SNX9: variants seen among roughly 807,000 people sequenced by gnomAD.
The protein encoded by SNX9 is sorting nexin-9.
Under a neutral mutation model 89.4 loss-of-function variants are expected in SNX9, and 44 were observed. The ratio of observed to expected loss-of-function variants is 0.49; its 90% CI spans 0.39 to 0.63. The LOEUF (loss-of-function observed/expected upper bound fraction) is 0.63, where lower values mean the gene tolerates loss of function less well. Among genes scored for constraint, SNX9 ranks in the 30% least tolerant of loss-of-function variants. The pLI, the probability that SNX9 is intolerant of heterozygous loss-of-function variation, is 0.00. For missense variants in SNX9, 578 were observed against 736.1 expected, an observed-to-expected ratio of 0.79 and a Z score of 2.49; for synonymous variants, 236 against 247.8, an observed-to-expected ratio of 0.95 and a Z score of 0.45.
chr6:157,869,254 C>T (rs1409431269), intron 2 of SNX9, among the ~76,000 whole-genome samples: 1 of 152,186 alleles, frequency 6.6e-6, no homozygotes, highest in Non-Finnish European at 1.5e-5. Context: ...TTTCTTTACA[C>T]TATGCGGTCT....
intron 7 of SNX9, among the ~76,000 whole-genome samples, chr6:157,908,916 C>A (rs1327028500): frequency 2.0e-5 from 3 of 152,226 alleles, no homozygotes; most frequent in African/African-American, 7.2e-5. Flanking sequence ...GGCCTACCCT[C>A]TTCAGGCAAG....
intron 1 of SNX9, among the ~76,000 whole-genome samples, chr6:157,836,859 G>A (rs1184949949): frequency 2.6e-5 from 4 of 152,104 alleles, no homozygotes; most frequent in Non-Finnish European, 5.9e-5. Context: ...CCAAAGTGCT[G>A]GGATTACAGG....
chr6:157,933,814 G>A (rs1783865345), intron 13 of SNX9, among the ~76,000 whole-genome samples: 1 of 152,170 alleles, frequency 6.6e-6, no homozygotes, highest in South Asian at 2.1e-4. Flanking sequence ...TTCCCCACTG[G>A]GAGCTGCTTC....
intron 1 of SNX9, among the ~76,000 whole-genome samples, chr6:157,867,203 A>G (rs2115134412): frequency 6.6e-6 from 1 of 152,236 alleles, no homozygotes; most frequent in South Asian, 2.1e-4. Flanking sequence ...TCCTCCTGCT[A>G]TTTAGTCTCC....
At chr6:157,833,302 T>A (rs151252086) in intron 1 of SNX9, among the ~76,000 whole-genome samples, 36 of 152,300 alleles carry the variant, frequency 2.4e-4, no homozygotes, top group South Asian at 1.0e-3. Flanking sequence ...GATTTTTTTT[T>A]AATTAAAAAC....
intron 4 of SNX9, among the ~76,000 whole-genome samples, chr6:157,877,279 A>AT (rs1036105677): frequency 1.1e-4 from 15 of 141,780 alleles, no homozygotes; most frequent in Admixed American, 1.4e-4. Context: ...AGAAAAAAAA[A>AT]GCGGGGGGGG....
intron 12 of SNX9, among the ~76,000 whole-genome samples, chr6:157,929,744 AAAC>A (rs1348817721): frequency 6.6e-5 from 10 of 151,936 alleles, no homozygotes; most frequent in African/African-American, 1.5e-4. Flanking sequence ...TAAAAAAAGA[AAAC>A]AATCAGAATT....
chr6:157,921,514 T>C lies in SNX9; in HGVS notation c.950-17T>C. On this transcript the variant is annotated splice_polypyrimidine_tract_variant and intron_variant, in intron 9 of 17. Transcript: ENST00000392185. ...TTTAGACAAAGTTGTATGTCATTCT[T>C]GGTGTGTCGCTTGCAGGCCGCTTTG... 2 of 1,607,182 alleles carry C rather than the reference T, an allele frequency of 1.2e-6. No homozygotes were observed. Among genetic ancestry groups the C allele is most frequent in the Admixed American group, 3.4e-5 (2 of 58,238 alleles).
chr6:157,876,139 G>A (rs1782514977), intron 4 of SNX9, among the ~76,000 whole-genome samples: 1 of 151,566 alleles, frequency 6.6e-6, no homozygotes, highest in South Asian at 2.1e-4. Context: ...TCACTTACAA[G>A]TATTTGCTTA....
At chr6:157,895,151 A>G (rs1032316788) in intron 4 of SNX9, among the ~76,000 whole-genome samples, 2 of 152,236 alleles carry the variant, frequency 1.3e-5, no homozygotes, top group African/African-American at 4.8e-5. Flanking sequence ...TAGCATTAAA[A>G]TGAGGTGGAA....
intron 4 of SNX9, among the ~76,000 whole-genome samples, chr6:157,879,442 G>A (rs1007922603): frequency 6.6e-6 from 1 of 152,172 alleles, no homozygotes; most frequent in Admixed American, 6.5e-5. Flanking sequence ...CACCATAGAT[G>A]CAAAGTGTGT....
intron 1 of SNX9, among the ~76,000 whole-genome samples, chr6:157,825,052 A>G (rs932345661): frequency 6.6e-6 from 1 of 152,112 alleles, no homozygotes; most frequent in Non-Finnish European, 1.5e-5. Flanking sequence ...GCTCGAGACA[A>G]GCCTGGCCAA....
chr6:157,895,476 C>T (rs1782959603), intron 4 of SNX9, among the ~76,000 whole-genome samples: 2 of 151,878 alleles, frequency 1.3e-5, no homozygotes, highest in Admixed American at 1.3e-4. Context: ...ATTATAGTAC[C>T]CAAAGACTGA....
chr6:157,936,451 G>A (rs2115216694), intron 14 of SNX9, among the ~76,000 whole-genome samples: 1 of 152,316 alleles, frequency 6.6e-6, no homozygotes, highest in South Asian at 2.1e-4. Context: ...CAAGGCTGCA[G>A]TGAGCCATGA....
intron 13 of SNX9, among the ~76,000 whole-genome samples, chr6:157,933,014 C>T (rs1783846549): frequency 1.3e-5 from 2 of 152,158 alleles, no homozygotes; most frequent in Non-Finnish European, 2.9e-5. Flanking sequence ...GTATCTTACC[C>T]AGGGATCCCT....
chr6:157,874,862 A>T, intron 3 of SNX9, 189 bp from the exon 4 acceptor site: 1 of 513,818 alleles, frequency 1.9e-6, no homozygotes, highest in Non-Finnish European at 3.3e-6. Flanking sequence ...AAATTAAAAA[A>T]TAGTTTGAAC....
chr6:157,834,150 GTTTTTTTTTTT>G (rs561509955), intron 1 of SNX9, among the ~76,000 whole-genome samples: 173 of 35,586 alleles, frequency 4.9e-3, no homozygotes, highest in African/African-American at 0.021. Context: ...GTCCACTGTG[GTTTTTTTTTTT>G]TTTTTTTTTT....
rs748366807 is a variant in SNX9 at position 157,875,093 on chromosome 6, T to G, written c.217T>G (p.Ser73Ala). Reference sequence around the variant, plus strand: ...AAAAGATCAATTTTCTTGTGGAAATTCAGTGGCTGACCAAGCCTTCCTTGA... The same window carrying G: ...AAAAGATCAATTTTCTTGTGGAAATGCAGTGGCTGACCAAGCCTTCCTTGA... ...DGKDQFSCGNSVADQAFLDSL... is the reference protein window; with the variant it reads ...DGKDQFSCGNAVADQAFLDSL... The change falls in exon 4 of 18, where the codon TCA becomes GCA. Residue 73 changes from serine (S) to alanine (A), a missense_variant. Physicochemically the swap from Ser to Ala is moderately conservative, Grantham distance 99. Coordinates refer to ENST00000392185, the MANE Select transcript of SNX9 (RefSeq NM_016224.5). The G allele has an allele frequency of 6.2e-7, 1 of 1,614,040 alleles. No homozygotes were observed. The highest frequency in any genetic ancestry group is 1.1e-5 in the South Asian group (1 of 91,032).
intron 1 of SNX9, among the ~76,000 whole-genome samples, chr6:157,846,312 G>T (rs752279381): frequency 6.6e-6 from 1 of 152,118 alleles, no homozygotes; most frequent in East Asian, 1.9e-4. Context: ...GCCTACATTT[G>T]TGCTGCATTA....
Sources: allele counts gnomAD v4.1 joint callset (sites outside exome capture counted in the v4.1 genomes callset), GRCh38; gene constraint gnomAD v4.1.1; transcripts MANE v1.5; gene names NCBI Gene and HGNC (gene_info 2026-07-23, HGNC 2026-07-21).